Variants in SAMD3 observed in about 807,000 individuals in gnomAD.
The protein encoded by SAMD3 is sterile alpha motif domain containing 3, also known as sterile alpha motif domain-containing protein 3.
Under a neutral mutation model 58.5 loss-of-function variants are expected in SAMD3, and 63 were observed. That is an observed-to-expected ratio of 1.08 (90% confidence interval 0.88 to 1.33). SAMD3 has a LOEUF of 1.33. SAMD3 is among the 40% of genes most tolerant of loss of function. The pLI is 0.00. For missense variants in SAMD3, 604 were observed against 608.4 expected (o/e 0.99, Z 0.08); for synonymous variants, 220 against 210.3 (o/e 1.05, Z -0.40).
chr6:130,273,993 T>C (rs1284929377), intron 2 of SAMD3, among the ~76,000 whole-genome samples: 1 of 152,194 alleles, frequency 6.6e-6, no homozygotes, highest in Non-Finnish European at 1.5e-5. Flanking sequence ...TTTTACACTT[T>C]TATATGCTTC....
At chr6:130,199,875 C>A (rs78293311) in intron 5 of SAMD3, among the ~76,000 whole-genome samples, 1,887 of 152,248 alleles carry the variant, frequency 0.012, 32 homozygotes, top group African/African-American at 0.043. Context: ...TAGCCCAGGG[C>A]TCTCACACCT....
At chr6:130,170,115 T>G (rs1372443658) in intron 8 of SAMD3, among the ~76,000 whole-genome samples, 1 of 152,206 alleles carries the variant, frequency 6.6e-6, no homozygotes. Context: ...TGTACCATGG[T>G]GGTTTGCTGC....
chr6:130,310,525 C>T (rs1967498), intron 2 of SAMD3, among the ~76,000 whole-genome samples: 24,368 of 152,134 alleles, frequency 0.16, 2,206 homozygotes, highest in East Asian at 0.36. Context: ...AACAAAATTC[C>T]ACACATTGTA....
At chr6:130,178,286 C>T (rs1791926876) in intron 7 of SAMD3, among the ~76,000 whole-genome samples, 2 of 151,188 alleles carry the variant, frequency 1.3e-5, no homozygotes, top group Admixed American at 1.3e-4. Flanking sequence ...CTGGCCCAAC[C>T]CTTCTTGAAG....
intron 2 of SAMD3, among the ~76,000 whole-genome samples, chr6:130,301,374 A>G (rs922619111): frequency 6.6e-6 from 1 of 152,230 alleles, no homozygotes; most frequent in Non-Finnish European, 1.5e-5. Context: ...CACTAAACCA[A>G]GAAGGCGAAA....
At chr6:130,346,052 GAAAGA>G (rs1777439347) in intron 1 of SAMD3, among the ~76,000 whole-genome samples, 4 of 152,338 alleles carry the variant, frequency 2.6e-5, no homozygotes, top group Admixed American at 2.6e-4. Flanking sequence ...GAAGTTTTCA[GAAAGA>G]AAAACTTGAT....
upstream of SAMD3, chr6:130,365,655 G>A: frequency 1.0e-6 from 1 of 985,464 alleles, no homozygotes; most frequent in Non-Finnish European, 1.2e-6. Context: ...CTAGAGGCGG[G>A]CCCCACGGGT....
chr6:130,336,200 A>G lies in SAMD3; in HGVS notation c.-303-23107T>C, dbSNP rs1318892804. 3.9e-5 allele frequency among the ~76,000 whole-genome samples: 6 copies of G among 152,200 alleles called. No homozygotes were observed. The South Asian group carries it at 8.3e-4, about 21-fold the overall frequency. ...TAAAATTTAAAAATTTAGTAATACA[A>G]TGTATTAAGCATGTTACATAAATTA... On this transcript the variant is annotated intron_variant, in intron 1 of 13. Coordinates refer to the SAMD3 transcript ENST00000368134.
chr6:130,229,552 C>T (rs1796481842), intron 2 of SAMD3, among the ~76,000 whole-genome samples: 1 of 152,130 alleles, frequency 6.6e-6, no homozygotes, highest in Admixed American at 6.5e-5. Context: ...TGTGTGCTGA[C>T]ACTTTCTTAA....
chr6:130,197,530 T>C (rs1562433632), intron 5 of SAMD3, among the ~76,000 whole-genome samples: 1 of 152,338 alleles, frequency 6.6e-6, no homozygotes, highest in Admixed American at 6.5e-5. Context: ...TCTCCTTCTC[T>C]CATTCCATTT....
chr6:130,206,082 G>C (rs1395167034), intron 5 of SAMD3, among the ~76,000 whole-genome samples: 2 of 152,260 alleles, frequency 1.3e-5, no homozygotes, highest in East Asian at 3.9e-4. Flanking sequence ...CCACAGCTCT[G>C]GATAAAGGGC....
chr6:130,321,648 T>C (rs1776587973), intron 1 of SAMD3, among the ~76,000 whole-genome samples: 1 of 152,184 alleles, frequency 6.6e-6, no homozygotes, highest in Admixed American at 6.5e-5. Flanking sequence ...TTTTTCATCA[T>C]TCAAAGTATT....
intron 2 of SAMD3, among the ~76,000 whole-genome samples, chr6:130,257,202 A>T (rs1406335072): frequency 8.0e-6 from 1 of 124,482 alleles, no homozygotes; most frequent in African/African-American, 3.9e-5. Context: ...TAAGGGAGCC[A>T]TCTGCAAGAC....
intron 2 of SAMD3, among the ~76,000 whole-genome samples, chr6:130,243,931 T>C (rs924359878): frequency 4.6e-5 from 7 of 152,220 alleles, no homozygotes; most frequent in African/African-American, 1.2e-4. Flanking sequence ...GTCTGCAACT[T>C]TCCACTTGAT....
At chr6:130,197,247 A>C (rs1396413301) in intron 5 of SAMD3, among the ~76,000 whole-genome samples, 1 of 152,174 alleles carries the variant, frequency 6.6e-6, no homozygotes, top group East Asian at 1.9e-4. Flanking sequence ...ACTGTGCCCC[A>C]AAAAACTTGT....
chr6:130,299,407 T>G (rs1319240569), intron 2 of SAMD3, among the ~76,000 whole-genome samples: 1 of 152,028 alleles, frequency 6.6e-6, no homozygotes, highest in Non-Finnish European at 1.5e-5. Flanking sequence ...TATAAAAATA[T>G]TTTGAAACAA....
intron 2 of SAMD3, among the ~76,000 whole-genome samples, chr6:130,293,999 C>T (rs1222848971): frequency 6.6e-6 from 1 of 152,096 alleles, no homozygotes; most frequent in Non-Finnish European, 1.5e-5. Context: ...GGGCAGACAA[C>T]CTCTTGGATT....
chr6:130,360,673 G>A (rs1323534523), intron 1 of SAMD3, among the ~76,000 whole-genome samples: 3 of 152,182 alleles, frequency 2.0e-5, no homozygotes, highest in Non-Finnish European at 4.4e-5. Context: ...TCAGGAGACA[G>A]GGTTTGAGAG....
chr6:130,146,009 C>A lies in SAMD3; in HGVS notation c.1195+1G>T. Reference sequence around the variant, plus strand: ...CACACCACTCCATAAGGTTTACTAACATTTCAACATGTCTTCATCTGTGTA... The same window carrying A: ...CACACCACTCCATAAGGTTTACTAAAATTTCAACATGTCTTCATCTGTGTA... On this transcript the variant is annotated splice_donor_variant, in intron 10 of 11. Transcript: ENST00000439090. LOFTEE classifies it high-confidence loss of function. The A allele has an allele frequency of 6.7e-7, 1 of 1,493,736 alleles. No homozygotes were observed. Among genetic ancestry groups the A allele is most frequent in the Non-Finnish European group, 8.9e-7 (1 of 1,121,036 alleles). The allele number at this position is 1,493,736 out of a possible 1,614,324, so 92.5% of individuals were successfully genotyped here.
Sources: gnomAD v4.1 joint callset for allele counts (sites outside exome capture counted in the v4.1 genomes callset) on GRCh38, gnomAD v4.1.1 for gene constraint, MANE v1.5 for transcripts, NCBI Gene and HGNC (gene_info 2026-07-23, HGNC 2026-07-21) for gene names.